CACNG5: variants seen among roughly 807,000 people sequenced by gnomAD.
The protein encoded by CACNG5 is calcium voltage-gated channel auxiliary subunit gamma 5.
Under a neutral mutation model 24.8 loss-of-function variants are expected in CACNG5, and 18 were observed. The observed-to-expected ratio is 0.73, with a 90% CI of 0.50 to 1.08. CACNG5 has a LOEUF of 1.08. Among genes scored for constraint, CACNG5 ranks in the 50% least tolerant of loss-of-function variants. CACNG5 has a pLI of 0.00. For synonymous variants in CACNG5, 157 were observed against 149.1 expected, an observed-to-expected ratio of 1.05 and a Z score of -0.39; for missense variants, 349 against 367.9, an observed-to-expected ratio of 0.95 and a Z score of 0.42.
rs150770823 is a variant in CACNG5, at chr17:66,877,513, G to A, written c.181G>A (p.Val61Ile). ...GTCCCTGCACTCAGGCCTCTGGCGG[G>A]TCTGCTTCCTTGCAGGTAAGGGTGC... ...KMSLHSGLWR[V>I]CFLAGEERGR... The change falls in exon 2 of 6, where the codon GTC (valine) becomes ATC (isoleucine). Residue 61 changes from valine (V) to isoleucine (I), a missense_variant. Coordinates refer to ENST00000533854, the MANE Select transcript of CACNG5 (RefSeq NM_145811.3). The A allele has an allele frequency of 6.2e-7, 1 of 1,613,744 alleles. No homozygotes were observed. Among genetic ancestry groups the A allele is most frequent in the South Asian group, 1.1e-5 (1 of 91,060 alleles).
intron 1 of CACNG5, among the ~76,000 whole-genome samples, chr17:66,873,572 C>T (rs773239083): frequency 6.6e-6 from 1 of 152,212 alleles, no homozygotes; most frequent in Non-Finnish European, 1.5e-5. Flanking sequence ...CAACAGCAGT[C>T]GTGCTTCAGA....
Position 66,856,572 on chromosome 17 carries a change from C to T in CACNG5, c.-103-20658C>T, listed in dbSNP as rs62071010. ...TTTTTTTTTTTTTGAGACAGAGTCT[C>T]GCTCTGTCGCCCAGGCTGGAGTGCA... On this transcript the variant is annotated intron_variant, in intron 1 of 5. Coordinates refer to ENST00000533854, the MANE Select transcript of CACNG5 (RefSeq NM_145811.3). Among the ~76,000 whole-genome samples the T allele has an allele frequency of 9.6e-3, 1,406 of 146,882 alleles. 8 individuals carry two copies. The highest frequency in any genetic ancestry group is 0.015 in the Non-Finnish European group (998 of 67,280).
Position 66,885,229 on chromosome 17 carries a change from TC to T in CACNG5, c.818del (p.Ser273TyrfsTer34). On this transcript the variant is annotated frameshift_variant, in exon 6 of 6. Coordinates refer to ENST00000533854, the MANE Select transcript of CACNG5 (RefSeq NM_145811.3). LOFTEE classifies it high-confidence loss of function. ...CCCCGACTATGATCAGATGTCCTCTTCACCCTGCTGAGCCTCGGCCGCCCCC... is the reference window on the plus strand; with the variant it reads ...CCCCGACTATGATCAGATGTCCTCTTACCCTGCTGAGCCTCGGCCGCCCCC... ...KCPDYDQMSS[S>X]PC 6.3e-7 allele frequency: 1 copy of T among 1,588,128 alleles called. No homozygotes were observed.
intron 5 of CACNG5, 79 bp downstream of exon 5, chr17:66,884,740 A>G (rs1977225507): frequency 1.2e-6 from 2 of 1,613,630 alleles, no homozygotes; most frequent in Non-Finnish European, 1.7e-6. Context: ...GGGATGGGGG[A>G]GAAGGGACAT....
At chr17:66,875,985 A>G (rs1376159752) in intron 1 of CACNG5, among the ~76,000 whole-genome samples, 2 of 152,170 alleles carry the variant, frequency 1.3e-5, no homozygotes, top group East Asian at 1.9e-4. Context: ...CAGTTGCTAC[A>G]TTACAATGCC....
intron 4 of CACNG5, among the ~76,000 whole-genome samples, chr17:66,882,490 G>A (rs1977173476): frequency 6.6e-6 from 1 of 152,192 alleles, no homozygotes; most frequent in South Asian, 2.1e-4. Flanking sequence ...ACATGGATGA[G>A]ATTACTCATG....
At chr17:66,841,916 G>A (rs879645278) in intron 1 of CACNG5, among the ~76,000 whole-genome samples, 1 of 152,218 alleles carries the variant, frequency 6.6e-6, no homozygotes, top group Non-Finnish European at 1.5e-5. Flanking sequence ...CAGAGCTCAA[G>A]GGACTGTGAT....
intron 4 of CACNG5, among the ~76,000 whole-genome samples, 188 bp downstream of exon 4, chr17:66,880,885 C>T (rs1977150523): frequency 1.3e-5 from 2 of 152,152 alleles, no homozygotes; most frequent in Admixed American, 1.3e-4. Context: ...ATTACAGGTG[C>T]CTGCCACCAC....
rs770809783 is a variant in CACNG5 at position 66,888,543 on chromosome 17, C to CAAAAAAA, written c.*3320_*3326dup. Among the ~76,000 whole-genome samples the CAAAAAAA allele has an allele frequency of 6.4e-5, 4 of 62,636 alleles. No individual in the cohort carries two copies. The highest frequency in any genetic ancestry group is 1.1e-4 in the African/African-American group (2 of 17,982). The allele number at this position is 62,636 out of a possible 152,430, so 41.1% of individuals were successfully genotyped here. On this transcript the variant is annotated 3_prime_UTR_variant, in exon 6 of 6. Transcript: ENST00000533854. ...TGGGTGACAGAGCGAGACTCCGTCT[C>CAAAAAAA]AAAAAAAAAAAAAAAAAAAAAAAGA...
rs1055381179 is a variant in CACNG5 at position 66,886,420 on chromosome 17, T to C, written c.*1180T>C. Among the ~76,000 whole-genome samples the C allele has an allele frequency of 6.6e-6, 1 of 152,172 alleles. No homozygotes were observed. The highest frequency in any genetic ancestry group is 1.5e-5 in the Non-Finnish European group (1 of 68,022). On this transcript the variant is annotated 3_prime_UTR_variant, in exon 6 of 6. Coordinates refer to ENST00000533854, the MANE Select transcript of CACNG5 (RefSeq NM_145811.3). ...CAGATTTTTCCAGAAGACCAGGCAG[T>C]GTGACACCCATTCTTCTGGTGGGAA...
intron 1 of CACNG5, among the ~76,000 whole-genome samples, chr17:66,863,770 T>A (rs910999747): frequency 6.6e-6 from 1 of 152,230 alleles, no homozygotes; most frequent in Non-Finnish European, 1.5e-5. Flanking sequence ...GCCTGAAGAA[T>A]CTGTTTAGTA....
Position 66,885,283 on chromosome 17 carries a change from C to A in CACNG5, c.*43C>A. ...CCCTGGACTGTGGGTGGCCAGACAA[C>A]CCTTCCTGTTCTCTCCAGGTGACCC... On this transcript the variant is annotated 3_prime_UTR_variant, in exon 6 of 6. Coordinates refer to ENST00000533854, the MANE Select transcript of CACNG5 (RefSeq NM_145811.3). 1 of 1,534,992 alleles carries A rather than the reference C, an allele frequency of 6.5e-7. No homozygotes were observed. Among genetic ancestry groups the A allele is most frequent in the Non-Finnish European group, 8.7e-7 (1 of 1,147,814 alleles).
Position 66,855,529 on chromosome 17 carries a change from T to C in CACNG5, c.-104+20279T>C, listed in dbSNP as rs994854494. ...TCATTAAATTAAAAAGTTGTGCATATGTATTTTTTTTTGAGACAGAGTCTC... is the reference window on the plus strand; with the variant it reads ...TCATTAAATTAAAAAGTTGTGCATACGTATTTTTTTTTGAGACAGAGTCTC... On this transcript the variant is annotated intron_variant, in intron 1 of 5. Transcript: ENST00000533854. 2.0e-5 allele frequency among the ~76,000 whole-genome samples: 3 copies of C among 152,304 alleles called. No individual in the cohort carries two copies. In the East Asian group the frequency reaches 5.8e-4, roughly 29 times the overall value.
chr17:66,838,818 G>C (rs551906545), intron 1 of CACNG5, among the ~76,000 whole-genome samples: 1 of 152,098 alleles, frequency 6.6e-6, no homozygotes, highest in East Asian at 1.9e-4. Context: ...ATGGGGATAC[G>C]ACTGGAGTAT....
chr17:66,840,202 T>A (rs771160768), intron 1 of CACNG5, among the ~76,000 whole-genome samples: 8 of 152,174 alleles, frequency 5.3e-5, no homozygotes, highest in African/African-American at 1.2e-4. Context: ...AGAGGGCAGG[T>A]GGCCCCCTCC....
chr17:66,882,539 A>G (rs1307306544), intron 4 of CACNG5, among the ~76,000 whole-genome samples: 2 of 152,138 alleles, frequency 1.3e-5, no homozygotes, highest in Non-Finnish European at 2.9e-5. Flanking sequence ...AAAACAGCAA[A>G]TAAAGGTGGG....
At position 66,885,299 on chromosome 17, in the gene CACNG5, C is replaced by T. The variant is rs974166395; in HGVS notation, c.*59C>T. ...GCCAGACAACCCTTCCTGTTCTCTC[C>T]AGGTGACCCCTGAGCCCCAGGCCTG... On this transcript the variant is annotated 3_prime_UTR_variant, in exon 6 of 6. Coordinates refer to ENST00000533854, the MANE Select transcript of CACNG5 (RefSeq NM_145811.3). 17 of 1,513,628 alleles carry T rather than the reference C, an allele frequency of 1.1e-5. No individual in the cohort carries two copies. In the African/African-American group the frequency reaches 2.2e-4, roughly 20 times the overall value. The allele number at this position is 1,513,628 out of a possible 1,614,324, so 93.8% of individuals were successfully genotyped here. A position where few individuals can be genotyped will look rare whatever the true frequency, so the allele number is the denominator to read the frequency against.
intron 1 of CACNG5, among the ~76,000 whole-genome samples, chr17:66,868,652 A>G (rs1292885468): frequency 2.0e-5 from 3 of 152,178 alleles, no homozygotes; most frequent in African/African-American, 7.2e-5. Context: ...AATGACACCT[A>G]GAGGTCTCCA....
chr17:66,856,627 C>T (rs529818959), intron 1 of CACNG5, among the ~76,000 whole-genome samples: 28 of 151,648 alleles, frequency 1.8e-4, no homozygotes, highest in Non-Finnish European at 3.7e-4. Context: ...CTGCAATCTC[C>T]GCCGCCCAGG....
Sources: allele counts gnomAD v4.1 joint callset (sites outside exome capture counted in the v4.1 genomes callset), GRCh38; gene constraint gnomAD v4.1.1; transcripts MANE v1.5; gene names NCBI Gene and HGNC (gene_info 2026-07-23, HGNC 2026-07-21).